CYTH1: variants seen among roughly 807,000 people sequenced by gnomAD.
CYTH1 encodes the protein cytohesin 1.
Under a neutral mutation model 61.8 loss-of-function variants are expected in CYTH1, and 18 were observed. The observed-to-expected ratio is 0.29, with a 90% CI of 0.20 to 0.43. The LOEUF (loss-of-function observed/expected upper bound fraction) is 0.43, where lower values mean the gene tolerates loss of function less well. CYTH1 is among the 20% of genes least tolerant of loss of function. The probability of loss-of-function intolerance (pLI) is 1.00; values close to 1 mark genes in which losing one functional copy is unlikely to be tolerated. For synonymous variants in CYTH1, 174 were observed against 184.3 expected, an observed-to-expected ratio of 0.94 and a Z score of 0.45; for missense variants, 336 against 510.5, an observed-to-expected ratio of 0.66 and a Z score of 3.29.
In CYTH1 at chr17:78,700,300, A is replaced by T. The variant is rs1015842262; in HGVS notation, c.550+31T>A. ...GAAAATAATCCAGTGTAAAACGCCCATCATAAACTAGGATGAATGATCGTA... is the reference window on the plus strand; with the variant it reads ...GAAAATAATCCAGTGTAAAACGCCCTTCATAAACTAGGATGAATGATCGTA... On this transcript the variant is annotated intron_variant, in intron 7 of 13. Coordinates refer to ENST00000446868, the MANE Select transcript of CYTH1 (RefSeq NM_004762.6). This position sits in a 1 kb window ranked among gnomAD's most constrained non-coding sequence, Gnocchi z 5.1. 7.1e-6 allele frequency: 11 copies of T among 1,559,242 alleles called. No individual in the cohort carries two copies. In the South Asian group the frequency reaches 1.1e-4, roughly 15 times the overall value.
chr17:78,680,332 G>T lies in CYTH1; in HGVS notation c.976C>A (p.Leu326Ile). ...EDSKKPNCFE[L>I]YIPDNKDQVI... ...TGGTCTTTATTGTCGGGGATATAAA[G>T]CTCAAAGCAGTTCTGAGAATCAAAA... Residue 326 changes from leucine to isoleucine, a missense_variant, in exon 13 of 14, where the codon CTT (leucine) becomes ATT (isoleucine). This residue lies in a region of CYTH1 where 83 missense variants were observed against 115.6 expected (regional missense o/e 0.72). Coordinates refer to ENST00000446868, the MANE Select transcript of CYTH1 (RefSeq NM_004762.6). 6.2e-7 allele frequency: 1 copy of T among 1,613,458 alleles called. No homozygotes were observed.
intron 11 of CYTH1, among the ~76,000 whole-genome samples, chr17:78,689,907 G>A (rs1003004917): frequency 3.3e-5 from 5 of 151,816 alleles, no homozygotes; most frequent in African/African-American, 1.2e-4. Flanking sequence ...TCAAATCCTG[G>A]GCCGTGAGGT....
intron 1 of CYTH1, among the ~76,000 whole-genome samples, chr17:78,773,608 G>C (rs2093480075): frequency 6.9e-6 from 1 of 145,980 alleles, no homozygotes; most frequent in Non-Finnish European, 1.5e-5. Context: ...CAGCCTGGGC[G>C]ACAGAGCAAG....
chr17:78,684,729 A>T (rs1223833256), intron 11 of CYTH1, among the ~76,000 whole-genome samples: 1 of 152,200 alleles, frequency 6.6e-6, no homozygotes, highest in Non-Finnish European at 1.5e-5. Flanking sequence ...TGAAAATGGG[A>T]TATTTCGAGT....
intron 1 of CYTH1, among the ~76,000 whole-genome samples, chr17:78,781,145 G>C (rs903344335): frequency 1.3e-5 from 2 of 151,100 alleles, no homozygotes; most frequent in African/African-American, 4.9e-5. Flanking sequence ...CTCCAGCCTG[G>C]GTGACAGAGC....
chr17:78,720,599 G>A (rs951597775), intron 1 of CYTH1, among the ~76,000 whole-genome samples: 3 of 152,238 alleles, frequency 2.0e-5, no homozygotes, highest in African/African-American at 7.2e-5. Context: ...AATTACAGGC[G>A]TGAGCCATCG....
At chr17:78,683,826 C>T (rs543129049) in intron 11 of CYTH1, among the ~76,000 whole-genome samples, 1 of 152,296 alleles carries the variant, frequency 6.6e-6, no homozygotes, top group South Asian at 2.1e-4. Context: ...TTTTTACCCT[C>T]CCCATTCTCA....
intron 1 of CYTH1, among the ~76,000 whole-genome samples, chr17:78,770,027 G>A (rs1385304183): frequency 6.6e-6 from 1 of 151,994 alleles, no homozygotes; most frequent in Admixed American, 6.6e-5. Context: ...GCGTGTACCT[G>A]TAATCCTAGT....
At chr17:78,677,122 A>G in intron 13 of CYTH1, 1 of 454,990 alleles carries the variant, frequency 2.2e-6, no homozygotes. Flanking sequence ...GGAACTGAAG[A>G]GCACTAGAAA....
In CYTH1 at chr17:78,675,396, CTG is replaced by C. The variant is rs2092687255; in HGVS notation, c.*693_*694del. ...GGCCAGGGCAGGCCCCCGACTCTGA[CTG>C]TGCCGTCTGAGGCTCCACTGGGCCT... On this transcript the variant is annotated 3_prime_UTR_variant, in exon 14 of 14. Transcript: ENST00000446868. 1 of 152,308 alleles carries C rather than the reference CTG, an allele frequency of 6.6e-6. No homozygotes were observed. The highest frequency in any genetic ancestry group is 2.1e-4 in the South Asian group (1 of 4,842). 9.4% of individuals were successfully genotyped at this position (152,308 alleles called of 1,614,324 possible). A position where few individuals can be genotyped will look rare whatever the true frequency, so the allele number is the denominator to read the frequency against.
intron 11 of CYTH1, among the ~76,000 whole-genome samples, chr17:78,687,083 C>T (rs1161894112): frequency 1.3e-5 from 2 of 152,012 alleles, no homozygotes; most frequent in Non-Finnish European, 2.9e-5. Context: ...GCCCAGCCTA[C>T]ATTACATTTA....
At chr17:78,712,356 G>A (rs986122677) in intron 1 of CYTH1, among the ~76,000 whole-genome samples, 10 of 152,070 alleles carry the variant, frequency 6.6e-5, no homozygotes, top group Non-Finnish European at 1.2e-4. Flanking sequence ...GTTTAGTCCA[G>A]TAAACTGATT....
chr17:78,782,265 T>TCCCGCCGCGCCACCCGCGCC lies in CYTH1; in HGVS notation c.-43_-42insGGCGCGGGTGGCGCGGCGGG. The stretch of plus-strand genomic sequence containing the variant: ...TCCGCGCTCCGGCTCGCCGCTCGCG[T>TCCCGCCGCGCCACCCGCGCC]CCCGCCGCGCCACCCGCGCCCCCGC... On this transcript the variant is annotated 5_prime_UTR_variant, in exon 1 of 14. Transcript: ENST00000446868. 2 of 1,213,484 alleles carry TCCCGCCGCGCCACCCGCGCC rather than the reference T, an allele frequency of 1.6e-6. No homozygotes were observed. Among genetic ancestry groups the TCCCGCCGCGCCACCCGCGCC allele is most frequent in the Non-Finnish European group, 2.1e-6 (2 of 965,260 alleles). The allele number at this position is 1,213,484 out of a possible 1,614,324, so 75.2% of individuals were successfully genotyped here. A position where few individuals can be genotyped will look rare whatever the true frequency, so the allele number is the denominator to read the frequency against.
intron 9 of CYTH1, 135 bp downstream of exon 9, chr17:78,698,134 C>A (rs1043976546): frequency 2.7e-6 from 2 of 751,662 alleles, no homozygotes; most frequent in Non-Finnish European, 4.6e-6. Flanking sequence ...CATGCGCGTG[C>A]ACACACACGC....
intron 1 of CYTH1, among the ~76,000 whole-genome samples, chr17:78,773,034 T>A (rs1267088982): frequency 6.6e-6 from 1 of 152,070 alleles, no homozygotes; most frequent in African/African-American, 2.4e-5. Flanking sequence ...GTTTTCACCA[T>A]GTTGCCCAAG....
At chr17:78,734,509 C>T (rs972595087) in intron 1 of CYTH1, among the ~76,000 whole-genome samples, 7 of 136,280 alleles carry the variant, frequency 5.1e-5, no homozygotes, top group African/African-American at 2.0e-4. Flanking sequence ...GGTACGATTT[C>T]GGCTCAACGC....
rs6728 is a variant in CYTH1 at position 78,674,151 on chromosome 17, C to G, written c.*1940G>C. The G allele has an allele frequency of 0.18, 27,270 of 152,662 alleles. 2,561 individuals are homozygous for G. The highest frequency in any genetic ancestry group is 0.21 in the Middle Eastern group (62 of 294). The allele number at this position is 152,662 out of a possible 1,614,324, so 9.5% of individuals were successfully genotyped here. ...AATTAGAATAATTATTTCTTAAAAA[C>G]CCTGTCAACAACTTTCAGTCATTTC... On this transcript the variant is annotated 3_prime_UTR_variant, in exon 14 of 14. Coordinates refer to ENST00000446868, the MANE Select transcript of CYTH1 (RefSeq NM_004762.6).
intron 1 of CYTH1, among the ~76,000 whole-genome samples, chr17:78,765,287 C>A (rs1281959905): frequency 6.6e-6 from 1 of 152,124 alleles, no homozygotes; most frequent in Non-Finnish European, 1.5e-5. Flanking sequence ...GAAAACGGGG[C>A]TCCTTCTAAA....
chr17:78,718,437 T>C (rs1160491970), intron 1 of CYTH1, among the ~76,000 whole-genome samples: 2 of 152,168 alleles, frequency 1.3e-5, no homozygotes, highest in Non-Finnish European at 2.9e-5. Context: ...TGGGAAACCA[T>C]CTTGTTCCTC....
Sources: gnomAD v4.1 joint callset for allele counts (sites outside exome capture counted in the v4.1 genomes callset) on GRCh38, gnomAD v4.1.1 for gene constraint, gnomAD v4.1.1 regional missense constraint, Gnocchi (gnomAD v3.1) non-coding constraint, MANE v1.5 for transcripts, NCBI Gene and HGNC (gene_info 2026-07-23, HGNC 2026-07-21) for gene names.